Variants in TERB2 observed in about 807,000 individuals in gnomAD.
TERB2 encodes the protein telomere repeats-binding bouquet formation protein 2.
Under a neutral mutation model 29.8 loss-of-function variants are expected in TERB2, and 26 were observed. That is an observed-to-expected ratio of 0.87 (90% CI 0.64 to 1.21). The LOEUF is 1.21. Ranked by LOEUF, TERB2 falls within the 50% of genes most tolerant of loss-of-function variation. TERB2 has a pLI of 0.00. For missense variants in TERB2, 240 were observed against 268.6 expected (o/e 0.89, Z 0.74); for synonymous variants, 80 against 90.8 (o/e 0.88, Z 0.68).
intron 2 of TERB2, among the ~76,000 whole-genome samples, chr15:44,957,976 G>C (rs1335037093): frequency 6.6e-6 from 1 of 151,768 alleles, no homozygotes; most frequent in African/African-American, 2.4e-5. Context: ...CTATAGAAAA[G>C]ATGTTGCTTT....
intron 5 of TERB2, 36 bp from the exon 6 acceptor site, chr15:44,973,831 A>C (rs770685314): frequency 1.3e-6 from 2 of 1,498,672 alleles, no homozygotes; most frequent in South Asian, 2.6e-5. Context: ...TATATATACT[A>C]TGTATGTGTG....
In TERB2 at chr15:44,977,098, A is replaced by AACACACAC. The variant is rs373706136; in HGVS notation, c.524-1380_524-1373dup. ...GGGCAACAAAATAAGACCCTGTCAA[A>AACACACAC]ACACACACACACACACACCCCAGAA... On this transcript the variant is annotated intron_variant, in intron 6 of 6. Coordinates refer to ENST00000340827, the MANE Select transcript of TERB2 (RefSeq NM_152448.3). Among the ~76,000 whole-genome samples, 60 of 148,892 alleles carry AACACACAC rather than the reference A, an allele frequency of 4.0e-4. 1 individual carries two copies. The highest frequency in any genetic ancestry group is 1.4e-3 in the African/African-American group (58 of 40,394).
At chr15:44,969,697 G>C (rs904201661) in intron 5 of TERB2, among the ~76,000 whole-genome samples, 1 of 151,554 alleles carries the variant, frequency 6.6e-6, no homozygotes, top group Non-Finnish European at 1.5e-5. Flanking sequence ...GGGAGGCTGG[G>C]GCAGGAGGAT....
chr15:44,977,158 A>G lies in TERB2; in HGVS notation c.524-1331A>G, dbSNP rs868860188. ...CTAAAAACTTCAGACTGGTGAGAGC[A>G]ATCATAGCTGGTTCTAATTAACTCT... is the stretch of plus-strand genomic sequence containing the variant. On this transcript the variant is annotated intron_variant, in intron 6 of 6. Transcript: ENST00000340827. 2.1e-4 allele frequency among the ~76,000 whole-genome samples: 32 copies of G among 152,190 alleles called. 1 individual carries two copies. The Middle Eastern group carries it at 0.024, about 113-fold the overall frequency.
chr15:44,973,522 G>T (rs1892000785), intron 5 of TERB2: 1 of 152,136 alleles, frequency 6.6e-6, no homozygotes, highest in Admixed American at 6.6e-5. Context: ...CATTAAGACT[G>T]AAGTCTGATC....
At chr15:44,962,154 G>A (rs571290126) in intron 4 of TERB2, among the ~76,000 whole-genome samples, 3 of 151,596 alleles carry the variant, frequency 2.0e-5, no homozygotes, top group Admixed American at 1.3e-4. Context: ...AATAAGAAGA[G>A]AATAACAGGT....
At chr15:44,972,024 T>C (rs1193942073) in intron 5 of TERB2, among the ~76,000 whole-genome samples, 1 of 145,478 alleles carries the variant, frequency 6.9e-6, no homozygotes, top group East Asian at 2.2e-4. Context: ...AGTTTCGTTC[T>C]TGTTGCCCAG....
In TERB2 at chr15:44,956,947, G is replaced by A. The variant is rs768051297; in HGVS notation, c.116G>A (p.Ser39Asn). Residue 39 changes from serine to asparagine, a missense_variant, in exon 2 of 7, where the codon AGC becomes AAC. Coordinates refer to ENST00000340827, the MANE Select transcript of TERB2 (RefSeq NM_152448.3). Reference protein sequence around the residue: ...SDPRAADFLFSCDASHPDTLR... With the variant: ...SDPRAADFLFNCDASHPDTLR... Reference sequence around the variant, plus strand: ...CCGCGAGCCGCCGACTTCTTGTTCAGCTGTGATGCCTCGCACCCAGACACG... The same window carrying A: ...CCGCGAGCCGCCGACTTCTTGTTCAACTGTGATGCCTCGCACCCAGACACG... The A allele has an allele frequency of 1.2e-6, 2 of 1,614,020 alleles. No homozygotes were observed. The highest frequency in any genetic ancestry group is 3.3e-5 in the Admixed American group (2 of 60,028).
At chr15:44,965,553 AT>A (rs1439334983) in intron 4 of TERB2, among the ~76,000 whole-genome samples, 1 of 144,320 alleles carries the variant, frequency 6.9e-6, no homozygotes, top group Non-Finnish European at 1.5e-5. Flanking sequence ...TATATTATAT[AT>A]TTATATATCT....
In TERB2 at chr15:44,979,143, G is replaced by T. The variant is rs1452521280; in HGVS notation, c.*515G>T. ...CATTCTGAATTACTGTTTCTGGTTT[G>T]AAACATGGAGAAAAACATTTTAATA... On this transcript the variant is annotated 3_prime_UTR_variant, in exon 7 of 7. Transcript: ENST00000340827. 1.3e-5 allele frequency: 2 copies of T among 152,134 alleles called. No individual in the cohort carries two copies. Among genetic ancestry groups the T allele is most frequent in the African/African-American group, 2.4e-5 (1 of 41,432 alleles). 9.4% of individuals were successfully genotyped at this position (152,134 alleles called of 1,614,324 possible).
At chr15:44,960,370 G>A (rs1229432466) in intron 3 of TERB2, among the ~76,000 whole-genome samples, 1 of 152,092 alleles carries the variant, frequency 6.6e-6, no homozygotes, top group Non-Finnish European at 1.5e-5. Context: ...TGGGTGAGGT[G>A]GCATGCACCT....
Position 44,972,724 on chromosome 15 carries a change from C to T in TERB2, c.435-1143C>T, listed in dbSNP as rs1891988774. 2.6e-5 allele frequency among the ~76,000 whole-genome samples: 4 copies of T among 151,868 alleles called. No individual in the cohort carries two copies. The South Asian group carries it at 6.2e-4, about 24-fold the overall frequency. On this transcript the variant is annotated intron_variant, in intron 5 of 6. Coordinates refer to ENST00000340827, the MANE Select transcript of TERB2 (RefSeq NM_152448.3). ...AGAGACAGGGTTTCACCATGTTGGC[C>T]AGGGTGGTCTCAAACTCCTGACCTT...
chr15:44,974,964 A>G (rs1456079796), intron 6 of TERB2, among the ~76,000 whole-genome samples: 1 of 152,176 alleles, frequency 6.6e-6, no homozygotes, highest in Non-Finnish European at 1.5e-5. Flanking sequence ...ATACATAAGG[A>G]CATATACCTA....
intron 5 of TERB2, among the ~76,000 whole-genome samples, chr15:44,973,350 A>G (rs1167078686): frequency 2.0e-5 from 3 of 152,198 alleles, no homozygotes; most frequent in Non-Finnish European, 4.4e-5. Flanking sequence ...GTCTAAATAT[A>G]TAGTATTGCA....
At chr15:44,965,190 AAAAGGAAAAAAAAG>A in intron 4 of TERB2, among the ~76,000 whole-genome samples, 2 of 138,624 alleles carry the variant, frequency 1.4e-5, no homozygotes, top group African/African-American at 5.4e-5. Context: ...AAAAAAAAAG[AAAAGGAAAAAAAAG>A]AAACTTCTTA....
At chr15:44,960,984 T>A (rs1037517467) in intron 3 of TERB2, among the ~76,000 whole-genome samples, 4 of 151,842 alleles carry the variant, frequency 2.6e-5, no homozygotes, top group African/African-American at 9.7e-5. Context: ...ACATTAGATA[T>A]ACATCTAATA....
chr15:44,972,243 G>A (rs957740381), intron 5 of TERB2, among the ~76,000 whole-genome samples: 2 of 151,406 alleles, frequency 1.3e-5, no homozygotes, highest in Non-Finnish European at 2.9e-5. Flanking sequence ...CACCCGCCTC[G>A]GCCTCCCAAA....
chr15:44,970,678 G>T (rs996667662), intron 5 of TERB2: 3 of 171,046 alleles, frequency 1.8e-5, no homozygotes, highest in South Asian at 1.6e-4. Flanking sequence ...GTTCCAAACC[G>T]TGGATCTTCA....
At chr15:44,973,989 T>A in intron 6 of TERB2, 34 bp downstream of exon 6, 1 of 1,470,868 alleles carries the variant, frequency 6.8e-7, no homozygotes, top group Non-Finnish European at 9.1e-7. Context: ...TAAACTCAGG[T>A]AGGAAAGAAA....
Sources: gnomAD v4.1 joint callset for allele counts (sites outside exome capture counted in the v4.1 genomes callset) on GRCh38, gnomAD v4.1.1 for gene constraint, MANE v1.5 for transcripts, NCBI Gene and HGNC (gene_info 2026-07-23, HGNC 2026-07-21) for gene names.